The following TXNDC16 variants were observed in gnomAD, a reference collection of about 807,000 sequenced individuals.
The protein encoded by TXNDC16 is thioredoxin domain containing 16, also known as thioredoxin domain-containing protein 16.
TXNDC16 carries 74 observed loss-of-function variants against 85.6 expected under a neutral mutation model. That is an observed-to-expected ratio of 0.86 (90% CI 0.72 to 1.05). The LOEUF (loss-of-function observed/expected upper bound fraction) is 1.05. TXNDC16 is among the 50% of genes least tolerant of loss of function. TXNDC16 has a pLI of 0.00. For synonymous variants in TXNDC16, 335 were observed against 326.5 expected (o/e 1.03, Z -0.28); for missense variants, 959 against 947.0 (o/e 1.01, Z -0.17).
chr14:52,530,158 TTATA>T (rs1242426876), intron 6 of TXNDC16, among the ~76,000 whole-genome samples: 1 of 86,300 alleles, frequency 1.2e-5, no homozygotes, highest in South Asian at 3.9e-4. Context: ...TATATATAAT[TTATA>T]TATATTATAT....
intron 6 of TXNDC16, among the ~76,000 whole-genome samples, chr14:52,528,276 A>G (rs1246813322): frequency 6.6e-6 from 1 of 152,150 alleles, no homozygotes; most frequent in South Asian, 2.1e-4. Flanking sequence ...AAGTAACAGC[A>G]TGGGTTACAC....
At chr14:52,476,004 C>T (rs947591058) in intron 14 of TXNDC16, among the ~76,000 whole-genome samples, 3 of 152,188 alleles carry the variant, frequency 2.0e-5, no homozygotes, top group African/African-American at 7.2e-5. Context: ...CACCACAGGA[C>T]TCTGTGTAGA....
chr14:52,436,950 T>C (rs760396092), intron 20 of TXNDC16, among the ~76,000 whole-genome samples: 2 of 152,080 alleles, frequency 1.3e-5, no homozygotes, highest in African/African-American at 2.4e-5. Flanking sequence ...AAAATCCTTA[T>C]ATAGTACCTA....
intron 9 of TXNDC16, among the ~76,000 whole-genome samples, chr14:52,493,506 A>G (rs2036461663): frequency 6.6e-6 from 1 of 152,118 alleles, no homozygotes; most frequent in Non-Finnish European, 1.5e-5. Context: ...AAAGTTAAAT[A>G]AATCTCCCAG....
chr14:52,474,512 G>A (rs1302731838), intron 14 of TXNDC16, among the ~76,000 whole-genome samples: 1 of 152,194 alleles, frequency 6.6e-6, no homozygotes, highest in Non-Finnish European at 1.5e-5. Flanking sequence ...GGAGGCTGAG[G>A]CAGGTGGATT....
chr14:52,499,539 T>C (rs2036607796), intron 9 of TXNDC16, among the ~76,000 whole-genome samples: 1 of 150,666 alleles, frequency 6.6e-6, no homozygotes, highest in Admixed American at 6.6e-5. Flanking sequence ...TCAACATCAC[T>C]AATCATCGGG....
At chr14:52,521,781 T>C (rs559211747) in intron 6 of TXNDC16, among the ~76,000 whole-genome samples, 13 of 152,216 alleles carry the variant, frequency 8.5e-5, no homozygotes, top group Non-Finnish European at 1.5e-4. Context: ...CACTATGTGC[T>C]AGGTATTTTC....
rs2036322397 is a variant in TXNDC16, at chr14:52,488,503, T to G, written c.985-17A>C. 3.2e-6 allele frequency: 5 copies of G among 1,568,794 alleles called. No homozygotes were observed. The highest frequency in any genetic ancestry group is 4.4e-6 in the Non-Finnish European group (5 of 1,148,766). On this transcript the variant is annotated splice_polypyrimidine_tract_variant and intron_variant, in intron 11 of 20. Coordinates refer to ENST00000281741, the MANE Select transcript of TXNDC16 (RefSeq NM_020784.3). ...TGGAACTCCCTAGAAATACATTAAT[T>G]TTTAAAAAATGAATATAGCAAAGTA...
chr14:52,457,178 T>C lies in TXNDC16; in HGVS notation c.1619-4A>G. 1.9e-6 allele frequency: 3 copies of C among 1,557,182 alleles called. No individual in the cohort carries two copies. Among genetic ancestry groups the C allele is most frequent in the Non-Finnish European group, 2.6e-6 (3 of 1,147,642 alleles). On this transcript the variant is annotated splice_region_variant and splice_polypyrimidine_tract_variant and intron_variant, in intron 16 of 20. Transcript: ENST00000281741. The stretch of plus-strand genomic sequence containing the variant: ...GCTTCACTAAAATCTTCTTTTGCTA[T>C]AAATACATAGAGAAGACAAAAATCT...
chr14:52,462,449 G>A lies in TXNDC16; in HGVS notation c.1619-5275C>T, dbSNP rs185828924. 1.3e-3 allele frequency among the ~76,000 whole-genome samples: 201 copies of A among 152,280 alleles called. 2 individuals carry two copies. The highest frequency in any genetic ancestry group is 0.013 in the Admixed American group (195 of 15,294). On this transcript the variant is annotated intron_variant, in intron 16 of 20. Transcript: ENST00000281741. ...TATGCCTCAGCCTCCCAAATAGCTG[G>A]AATTACAGGCACATGCCACCATGCC...
intron 9 of TXNDC16, among the ~76,000 whole-genome samples, chr14:52,496,120 G>T (rs1311471013): frequency 6.6e-6 from 1 of 150,504 alleles, no homozygotes; most frequent in Admixed American, 6.6e-5. Context: ...AGATCGCTCC[G>T]CTGCACTCCA....
Position 52,525,699 on chromosome 14 carries a change from AAATAATAATAAT to A in TXNDC16, c.393-6418_393-6407del, listed in dbSNP as rs199701557. Among the ~76,000 whole-genome samples the A allele has an allele frequency of 6.5e-3, 788 of 121,322 alleles. 6 individuals are homozygous for A. Among genetic ancestry groups the A allele is most frequent in the African/African-American group, 0.016 (568 of 34,910 alleles). 79.6% of individuals were successfully genotyped at this position (121,322 alleles called of 152,430 possible). On this transcript the variant is annotated intron_variant, in intron 6 of 20. Coordinates refer to ENST00000281741, the MANE Select transcript of TXNDC16 (RefSeq NM_020784.3). ...GGCGACAGAGTGAGACTCCATCTCA[AAATAATAATAAT>A]AATAATAATAATAATAATAATAATA... is the stretch of plus-strand genomic sequence containing the variant.
At chr14:52,511,429 A>G in intron 8 of TXNDC16, 39 bp from the exon 9 acceptor site, 1 of 1,386,246 alleles carries the variant, frequency 7.2e-7, no homozygotes, top group Non-Finnish European at 9.9e-7. Context: ...GAAGTTCAAT[A>G]TGTGATCCTT....
chr14:52,456,795 A>G (rs1340400895), intron 17 of TXNDC16, among the ~76,000 whole-genome samples: 1 of 152,164 alleles, frequency 6.6e-6, no homozygotes. Flanking sequence ...CCAAACTATG[A>G]TAACTCCAAA....
rs539113449 is a variant in TXNDC16, at chr14:52,508,738, A to G, written c.756+2502T>C. On this transcript the variant is annotated intron_variant, in intron 9 of 20. Transcript: ENST00000281741. The stretch of plus-strand genomic sequence containing the variant: ...ACACCATGGAATACTATGCAGCCTT[A>G]AAAAATGATGAGTTCATGTCCTTTG... Among the ~76,000 whole-genome samples, 5 of 152,218 alleles carry G rather than the reference A, an allele frequency of 3.3e-5. No homozygotes were observed. In the East Asian group the frequency reaches 9.6e-4, roughly 29 times the overall value.
Position 52,439,398 on chromosome 14 carries a change from C to A in TXNDC16, c.2004-4G>T, listed in dbSNP as rs781048334. 18 of 1,608,126 alleles carry A rather than the reference C, an allele frequency of 1.1e-5. No homozygotes were observed. Among genetic ancestry groups the A allele is most frequent in the Non-Finnish European group, 1.5e-5 (18 of 1,176,812 alleles). On this transcript the variant is annotated splice_polypyrimidine_tract_variant and splice_region_variant and intron_variant, in intron 19 of 20. Transcript: ENST00000281741. Reference sequence around the variant, plus strand: ...TCTCCCCACTGGAGTATTCTTTCTGCAAAAGGGAACAATTGAACATATTAA... The same window carrying A: ...TCTCCCCACTGGAGTATTCTTTCTGAAAAAGGGAACAATTGAACATATTAA...
chr14:52,500,395 T>C (rs192604690), intron 9 of TXNDC16, among the ~76,000 whole-genome samples: 1 of 152,274 alleles, frequency 6.6e-6, no homozygotes, highest in Non-Finnish European at 1.5e-5. Context: ...ATGTGGTATC[T>C]ACAGTAATCA....
intron 6 of TXNDC16, among the ~76,000 whole-genome samples, chr14:52,520,789 TTAAA>T (rs2037191705): frequency 2.0e-5 from 3 of 152,118 alleles, no homozygotes; most frequent in Admixed American, 2.0e-4. Flanking sequence ...GTCCACATAC[TTAAA>T]TAAACAAAGG....
At chr14:52,497,325 TC>T (rs2036554924) in intron 9 of TXNDC16, among the ~76,000 whole-genome samples, 1 of 152,016 alleles carries the variant, frequency 6.6e-6, no homozygotes, top group Admixed American at 6.5e-5. Context: ...GAAAATTAAA[TC>T]AGTAATCAAA....
Sources: allele counts gnomAD v4.1 joint callset (sites outside exome capture counted in the v4.1 genomes callset), GRCh38; gene constraint gnomAD v4.1.1; transcripts MANE v1.5; gene names NCBI Gene and HGNC (gene_info 2026-07-23, HGNC 2026-07-21).